The following SQSTM1 variants were observed in gnomAD, a reference collection of about 807,000 sequenced individuals.
The protein encoded by SQSTM1 is sequestosome 1.
Under a neutral mutation model 45.1 loss-of-function variants are expected in SQSTM1, and 36 were observed. The observed-to-expected ratio is 0.80, with a 90% CI of 0.61 to 1.05. SQSTM1 has a LOEUF of 1.05. SQSTM1 is among the 50% of genes least tolerant of loss of function. The probability of loss-of-function intolerance (pLI) is 0.00; values close to 1 mark genes in which losing one functional copy is unlikely to be tolerated. For missense variants in SQSTM1, 617 were observed against 607.1 expected, an observed-to-expected ratio of 1.02 and a Z score of -0.17; for synonymous variants, 290 against 244.3, an observed-to-expected ratio of 1.19 and a Z score of -1.74.
chr5:179,836,409 C>CTCAT, intron 7 of SQSTM1, 27 bp from the exon 8 acceptor site: 6 of 1,614,174 alleles, frequency 3.7e-6, no homozygotes, highest in Non-Finnish European at 5.1e-6. Flanking sequence ...AGCACCACTC[C>CTCAT]TCATGGCTTC....
In SQSTM1 at chr5:179,825,226, G is replaced by T. The variant is rs765959386; in HGVS notation, c.754G>T (p.Gly252Cys). The part of the protein sequence containing the change: ...ESVAAALSPL[G>C]IEVDIDVEHG... ...TGTGGCAGCTGCCCTTAGCCCTCTGGGTGAGTGCACCTCCTTGCCCAGTGC... is the reference window on the plus strand; with the variant it reads ...TGTGGCAGCTGCCCTTAGCCCTCTGTGTGAGTGCACCTCCTTGCCCAGTGC... The change falls in exon 5 of 8, where the codon GGC becomes TGC. Residue 252 changes from glycine to cysteine, a missense_variant and splice_region_variant. Transcript: ENST00000389805. 1.9e-6 allele frequency: 3 copies of T among 1,613,436 alleles called. No homozygotes were observed. Among genetic ancestry groups the T allele is most frequent in the African/African-American group, 1.3e-5 (1 of 75,022 alleles).
intron 7 of SQSTM1, among the ~76,000 whole-genome samples, chr5:179,834,500 A>G (rs1758416482): frequency 6.6e-6 from 1 of 151,854 alleles, no homozygotes. Context: ...AGTGGAGGGA[A>G]GGTCAGCAGA....
At chr5:179,820,839 G>A (rs1285092254), upstream of SQSTM1, 15 of 1,206,658 alleles carry the variant, frequency 1.2e-5, no homozygotes, top group Non-Finnish European at 1.5e-5. Context: ...GAGAGACTCC[G>A]CCCCTCTCGA....
chr5:179,812,184 C>T (rs1484300247), intron 2 of SQSTM1: 3 of 152,276 alleles, frequency 2.0e-5, no homozygotes, highest in East Asian at 1.9e-4. Context: ...TGATCTCCAC[C>T]GCACAGACCT....
chr5:179,806,466 C>G lies in SQSTM1; in HGVS notation c.-282C>G. 1.6e-6 allele frequency: 2 copies of G among 1,254,544 alleles called. No individual in the cohort carries two copies. Among genetic ancestry groups the G allele is most frequent in the East Asian group, 4.9e-5 (1 of 20,574 alleles). 77.7% of individuals were successfully genotyped at this position (1,254,544 alleles called of 1,614,324 possible). On this transcript the variant is annotated 5_prime_UTR_variant, in exon 1 of 6. Transcript: ENST00000514093. The surrounding 1 kb of genome is among the most constrained non-coding windows in gnomAD (Gnocchi z 4.6). Reference sequence around the variant, plus strand: ...GACGCCCAGGTGCGCCAGGTGCGGGCCGGGCGGGGGTCGCGCTCACCTTTC... The same window carrying G: ...GACGCCCAGGTGCGCCAGGTGCGGGGCGGGCGGGGGTCGCGCTCACCTTTC...
intron 1 of SQSTM1, among the ~76,000 whole-genome samples, chr5:179,807,166 G>C (rs1189409557): frequency 6.6e-6 from 1 of 151,804 alleles, no homozygotes; most frequent in Non-Finnish European, 1.5e-5. Flanking sequence ...AGCCGGGGCG[G>C]GGGGCGGGCG....
intron 1 of SQSTM1, chr5:179,808,489 T>C (rs750777213): frequency 3.3e-5 from 5 of 152,186 alleles, no homozygotes; most frequent in Non-Finnish European, 5.9e-5. Flanking sequence ...TAAAGGGCCT[T>C]AGAAATTGTT....
intron 5 of SQSTM1, among the ~76,000 whole-genome samples, chr5:179,826,658 T>G (rs2113494760): frequency 6.7e-6 from 1 of 149,500 alleles, no homozygotes; most frequent in East Asian, 2.0e-4. Context: ...TGGAGTGCAG[T>G]GGTGTGATCT....
chr5:179,834,991 C>T lies in SQSTM1; in HGVS notation c.1165+1209C>T, dbSNP rs1218216428. The T allele has an allele frequency of 1.1e-4, 23 of 211,796 alleles. 1 individual carries two copies. The highest frequency in any genetic ancestry group is 8.6e-4 in the South Asian group (17 of 19,756). 13.1% of individuals were successfully genotyped at this position (211,796 alleles called of 1,614,324 possible). ...CCCAGTAGGGGCGGCCGGGCAGAGGCGCCCCTCACATCCCGGACGGGGTGG... is the reference window on the plus strand; with the variant it reads ...CCCAGTAGGGGCGGCCGGGCAGAGGTGCCCCTCACATCCCGGACGGGGTGG... On this transcript the variant is annotated intron_variant, in intron 7 of 7. Coordinates refer to ENST00000389805, the MANE Select transcript of SQSTM1 (RefSeq NM_003900.5).
chr5:179,837,547 G>GA lies in SQSTM1; in HGVS notation c.*955dup, dbSNP rs750453657. The GA allele has an allele frequency of 5.5e-5, 89 of 1,614,138 alleles. No individual in the cohort carries two copies. Among genetic ancestry groups the GA allele is most frequent in the Non-Finnish European group, 6.8e-6 (8 of 1,180,054 alleles). On this transcript the variant is annotated 3_prime_UTR_variant, in exon 8 of 8. Transcript: ENST00000389805. ...CGCAAGGCCTCTCAGACCCAGATGT[G>GA]ACGGGGTGTGTGGCCCGAGGAAGCT...
chr5:179,837,323 A>T lies in SQSTM1; in HGVS notation c.*730A>T, dbSNP rs1418203902. ...TAATGGTTCTTACAGAGTATCTTTA[A>T]AAGTGCCTTAGGGGAACCCTGTCCC... On this transcript the variant is annotated 3_prime_UTR_variant, in exon 8 of 8. Transcript: ENST00000389805. 6.3e-7 allele frequency: 1 copy of T among 1,589,474 alleles called. No individual in the cohort carries two copies. The highest frequency in any genetic ancestry group is 1.7e-5 in the Admixed American group (1 of 57,192).
rs200889080 is a variant in SQSTM1 at position 179,833,066 on chromosome 5, G to A, written c.789G>A (p.Gly263=). 35 of 1,614,214 alleles carry A rather than the reference G, an allele frequency of 2.2e-5. No individual in the cohort carries two copies. In the East Asian group the frequency reaches 6.7e-4, roughly 31 times the overall value. Residue 263 remains glycine, a synonymous_variant, in exon 6 of 8, where the codon GGG becomes GGA. Transcript: ENST00000389805. ...IEVDIDVEHG[G]KRSRLTPVSP... is the part of the protein sequence containing the mutation. The stretch of plus-strand genomic sequence containing the variant: ...TTGATATCGATGTGGAGCACGGAGG[G>A]AAAAGAAGCCGCCTGACCCCCGTCT...
upstream of SQSTM1, chr5:179,818,796 C>A (rs1231157404): frequency 6.6e-6 from 1 of 152,388 alleles, no homozygotes; most frequent in Non-Finnish European, 1.5e-5. Context: ...AAATGAGAGG[C>A]TGGTCCATAG....
chr5:179,823,159 T>TTTGAG, intron 2 of SQSTM1, 106 bp downstream of exon 2: 1 of 1,054,848 alleles, frequency 9.5e-7, no homozygotes, highest in Non-Finnish European at 1.4e-6. Flanking sequence ...GGGTCAGCAA[T>TTTGAG]TTGAGGGCTG....
At chr5:179,819,222 A>T (rs1254502868), upstream of SQSTM1, among the ~76,000 whole-genome samples, 1 of 152,126 alleles carries the variant, frequency 6.6e-6, no homozygotes, top group African/African-American at 2.4e-5. Context: ...GCGTGGGGGC[A>T]GGGCGGCCGC....
chr5:179,831,839 A>G (rs1423478962), intron 5 of SQSTM1, among the ~76,000 whole-genome samples: 2 of 150,358 alleles, frequency 1.3e-5, no homozygotes, highest in Non-Finnish European at 3.0e-5. Flanking sequence ...GCTGGAGTGC[A>G]GTGGCGCCAA....
chr5:179,831,919 G>C (rs1224822114), intron 5 of SQSTM1, among the ~76,000 whole-genome samples: 1 of 151,904 alleles, frequency 6.6e-6, no homozygotes, highest in Non-Finnish European at 1.5e-5. Flanking sequence ...GAGTAACTGA[G>C]ACTACAGGCG....
intron 1 of SQSTM1, among the ~76,000 whole-genome samples, chr5:179,808,999 A>G (rs1453264444): frequency 6.6e-6 from 1 of 150,748 alleles, no homozygotes; most frequent in East Asian, 2.0e-4. Context: ...CTGGGACTAC[A>G]GGCACCCACC....
At chr5:179,811,455 G>C (rs1435284259) in intron 1 of SQSTM1, 1 of 151,878 alleles carries the variant, frequency 6.6e-6, no homozygotes, top group Non-Finnish European at 1.5e-5. Flanking sequence ...GTGGAACTTG[G>C]GATTCTATCT....
Sources: gnomAD v4.1 joint callset for allele counts (sites outside exome capture counted in the v4.1 genomes callset) on GRCh38, gnomAD v4.1.1 for gene constraint, Gnocchi (gnomAD v3.1) non-coding constraint, MANE v1.5 for transcripts, NCBI Gene and HGNC (gene_info 2026-07-23, HGNC 2026-07-21) for gene names.